Variants in KDM1B observed in about 807,000 individuals in gnomAD.
KDM1B encodes the protein lysine demethylase 1B.
In KDM1B, 63 loss-of-function variants were observed where a neutral mutation model predicts 107.4. That is an observed-to-expected ratio of 0.59 (90% CI 0.48 to 0.72). KDM1B has a LOEUF of 0.72. Among genes scored for constraint, KDM1B ranks in the 30% least tolerant of loss-of-function variants. KDM1B has a pLI of 0.00. For synonymous variants in KDM1B, 363 were observed against 363.9 expected (o/e 1.00, Z 0.03); for missense variants, 749 against 1,020.8 (o/e 0.73, Z 3.63).
intron 3 of KDM1B, among the ~76,000 whole-genome samples, chr6:18,160,894 C>T (rs1322496675): frequency 2.8e-5 from 4 of 141,078 alleles, no homozygotes; most frequent in Non-Finnish European, 4.5e-5. Flanking sequence ...GTGACACAAT[C>T]GTGTGTGCCA....
chr6:18,211,949 G>GTT lies in KDM1B; in HGVS notation c.1867-524_1867-523dup, dbSNP rs1164736109. ...CTCAAGTACTGCTTTTCGGGGTTTT[G>GTT]TTTTTTTTTTTTTTTTGAGACAGTC... On this transcript the variant is annotated intron_variant, in intron 17 of 21. Coordinates refer to ENST00000650836, the MANE Select transcript of KDM1B (RefSeq NM_001364614.2). This position sits in a 1 kb window ranked among gnomAD's most constrained non-coding sequence, Gnocchi z 5.2. 216 of 135,344 alleles carry GTT rather than the reference G, an allele frequency of 1.6e-3. No individual in the cohort carries two copies. Among genetic ancestry groups the GTT allele is most frequent in the African/African-American group, 3.7e-3 (134 of 36,362 alleles). 8.4% of individuals were successfully genotyped at this position (135,344 alleles called of 1,614,324 possible).
intron 7 of KDM1B, among the ~76,000 whole-genome samples, chr6:18,178,886 T>G (rs1786234318): frequency 6.6e-6 from 1 of 152,218 alleles, no homozygotes; most frequent in South Asian, 2.1e-4. Flanking sequence ...TCTACAAACC[T>G]CTTCTCAGTC....
chr6:18,170,347 T>C (rs1177017731), intron 6 of KDM1B, among the ~76,000 whole-genome samples: 1 of 152,226 alleles, frequency 6.6e-6, no homozygotes, highest in East Asian at 1.9e-4. Flanking sequence ...TACTAATAAC[T>C]GTAGACTTTA....
At chr6:18,207,253 AGTG>A (rs1373299206) in intron 15 of KDM1B, 142 bp from the exon 16 acceptor site, 3 of 678,412 alleles carry the variant, frequency 4.4e-6, no homozygotes, top group Non-Finnish European at 5.1e-6. Flanking sequence ...TTCCTCCCCC[AGTG>A]GTGGTCTCTG....
chr6:18,182,070 G>A (rs948588929), intron 7 of KDM1B, among the ~76,000 whole-genome samples: 1 of 151,982 alleles, frequency 6.6e-6, no homozygotes, highest in Non-Finnish European at 1.5e-5. Flanking sequence ...AACCTGGCTG[G>A]CTGTATTTTA....
At chr6:18,167,903 T>C (rs1251540974) in intron 6 of KDM1B, among the ~76,000 whole-genome samples, 1 of 151,944 alleles carries the variant, frequency 6.6e-6, no homozygotes, top group Non-Finnish European at 1.5e-5. Flanking sequence ...GCTGGAACTA[T>C]AGAGTGCACC....
chr6:18,188,069 G>A, intron 9 of KDM1B, 67 bp downstream of exon 9: 1 of 1,366,704 alleles, frequency 7.3e-7, no homozygotes. Flanking sequence ...ACGTGTGAGT[G>A]AGCAAAACGC....
At position 18,214,913 on chromosome 6, in the gene KDM1B, T is replaced by TAAAAC. The variant is rs1383013963; in HGVS notation, c.2110-79_2110-75dup. 9 of 1,342,006 alleles carry TAAAAC rather than the reference T, an allele frequency of 6.7e-6. No individual in the cohort carries two copies. The highest frequency in any genetic ancestry group is 8.1e-6 in the Non-Finnish European group (8 of 991,174). The allele number at this position is 1,342,006 out of a possible 1,614,324, so 83.1% of individuals were successfully genotyped here. On this transcript the variant is annotated intron_variant, in intron 19 of 21. Coordinates refer to ENST00000650836, the MANE Select transcript of KDM1B (RefSeq NM_001364614.2). This position sits in a 1 kb window ranked among gnomAD's most constrained non-coding sequence, Gnocchi z 4.4. ...TGACAGAGCAAAACTCTGTCTCATT[T>TAAAAC]AAAACAAAACAAAACAAAAAACAAA...
In KDM1B at chr6:18,162,767, G is replaced by GT; in HGVS notation, c.216-62dup. 1 of 925,164 alleles carries GT rather than the reference G, an allele frequency of 1.1e-6. No homozygotes were observed. Among genetic ancestry groups the GT allele is most frequent in the Non-Finnish European group, 1.8e-6 (1 of 560,836 alleles). The allele number at this position is 925,164 out of a possible 1,614,324, so 57.3% of individuals were successfully genotyped here. A position where few individuals can be genotyped will look rare whatever the true frequency, so the allele number is the denominator to read the frequency against. ...GGTTCATAGATGGTGCTTGCAAGAT[G>GT]TTTTTTAAAAAATGGGAGGAGAAAT... is the stretch of plus-strand genomic sequence containing the variant. On this transcript the variant is annotated intron_variant, in intron 4 of 21. Coordinates refer to ENST00000650836, the MANE Select transcript of KDM1B (RefSeq NM_001364614.2). The surrounding 1 kb of genome is among the most constrained non-coding windows in gnomAD (Gnocchi z 4.1).
chr6:18,177,545 CTATTTATT>C (rs537484760), intron 7 of KDM1B, among the ~76,000 whole-genome samples: 1 of 151,050 alleles, frequency 6.6e-6, no homozygotes, highest in African/African-American at 2.4e-5. Context: ...GAGGCCACAC[CTATTTATT>C]TATTTATTTA....
rs1015994378 is a variant in KDM1B at position 18,186,090 on chromosome 6, G to C, written c.573+280G>C. Among the ~76,000 whole-genome samples the C allele has an allele frequency of 3.9e-5, 6 of 152,182 alleles. No individual in the cohort carries two copies. Among genetic ancestry groups the C allele is most frequent in the African/African-American group, 1.4e-4 (6 of 41,440 alleles). ...TCTCCTGCCTTGCTCTAGGGCTCAG[G>C]CTTGCTGTACTTGTTTTTCAAGGAT... On this transcript the variant is annotated intron_variant, in intron 8 of 21. Transcript: ENST00000650836. The surrounding 1 kb of genome is among the most constrained non-coding windows in gnomAD (Gnocchi z 5.6).
At chr6:18,178,613 G>A (rs1459849251) in intron 7 of KDM1B, among the ~76,000 whole-genome samples, 1 of 151,638 alleles carries the variant, frequency 6.6e-6, no homozygotes, top group Non-Finnish European at 1.5e-5. Context: ...GGCTGGTCTC[G>A]AACTCCTGAC....
chr6:18,164,827 G>A (rs537338594), intron 5 of KDM1B, among the ~76,000 whole-genome samples: 8 of 152,090 alleles, frequency 5.3e-5, no homozygotes, highest in African/African-American at 1.9e-4. Context: ...TGTATTTTTA[G>A]TAGAGGCTGG....
Position 18,200,332 on chromosome 6 carries a change from AAC to A in KDM1B, c.1222-106_1222-105del. ...TGTTTTTTTAGAAATATTTGGAATT[AAC>A]CAAATATAGAGGCTATTTAACAGTG... On this transcript the variant is annotated intron_variant, in intron 12 of 21. Transcript: ENST00000650836. The surrounding 1 kb of genome is among the most constrained non-coding windows in gnomAD (Gnocchi z 4.3). The A allele has an allele frequency of 9.0e-7, 1 of 1,116,758 alleles. No homozygotes were observed. The highest frequency in any genetic ancestry group is 1.3e-6 in the Non-Finnish European group (1 of 792,952). 69.2% of individuals were successfully genotyped at this position (1,116,758 alleles called of 1,614,324 possible).
At position 18,175,880 on chromosome 6, in the gene KDM1B, A is replaced by G. The variant is rs1173852380; in HGVS notation, c.534+4401A>G. Among the ~76,000 whole-genome samples the G allele has an allele frequency of 2.0e-5, 3 of 152,154 alleles. No individual in the cohort carries two copies. The East Asian group carries it at 5.8e-4, about 29-fold the overall frequency. ...GTTTTGGTGACTATGGCCTTATAGT[A>G]TAGTTTGAAATCAGGTAGTGTGATG... On this transcript the variant is annotated intron_variant, in intron 7 of 21. Coordinates refer to ENST00000650836, the MANE Select transcript of KDM1B (RefSeq NM_001364614.2).
Position 18,166,388 on chromosome 6 carries a change from G to C in KDM1B, c.417+10G>C. Reference sequence around the variant, plus strand: ...GCAACTCCCCTACTGGGTAAGGAGAGTGATGCTCTCTGTCTGTGAAGTATT... The same window carrying C: ...GCAACTCCCCTACTGGGTAAGGAGACTGATGCTCTCTGTCTGTGAAGTATT... On this transcript the variant is annotated intron_variant, in intron 6 of 21. Transcript: ENST00000650836. 1.3e-6 allele frequency: 2 copies of C among 1,490,342 alleles called. No individual in the cohort carries two copies. The allele number at this position is 1,490,342 out of a possible 1,614,324, so 92.3% of individuals were successfully genotyped here. A position where few individuals can be genotyped will look rare whatever the true frequency, so the allele number is the denominator to read the frequency against.
Position 18,201,313 on chromosome 6 carries a change from T to G in KDM1B, c.1360-173T>G, listed in dbSNP as rs1788015555. 6.6e-6 allele frequency among the ~76,000 whole-genome samples: 1 copy of G among 151,964 alleles called. No homozygotes were observed. The highest frequency in any genetic ancestry group is 2.4e-5 in the African/African-American group (1 of 41,346). On this transcript the variant is annotated intron_variant, in intron 13 of 21. Transcript: ENST00000650836. The surrounding 1 kb of genome is among the most constrained non-coding windows in gnomAD (Gnocchi z 4.3). Reference sequence around the variant, plus strand: ...ATAAAATCTTGTAGATTTCATGCTGTTTTTTTTCACTGCCTGACTTTGCTG... The same window carrying G: ...ATAAAATCTTGTAGATTTCATGCTGGTTTTTTTCACTGCCTGACTTTGCTG...
At position 18,214,685 on chromosome 6, in the gene KDM1B, G is replaced by T. The variant is rs528483001; in HGVS notation, c.2110-322G>T. On this transcript the variant is annotated intron_variant, in intron 19 of 21. Coordinates refer to ENST00000650836, the MANE Select transcript of KDM1B (RefSeq NM_001364614.2). The surrounding 1 kb of genome is among the most constrained non-coding windows in gnomAD (Gnocchi z 4.4). ...AGCACTTTGGGAGGCCGAGGTGGGT[G>T]GATCACCTGAGGTCAGGAGTTTGAG... Among the ~76,000 whole-genome samples, 2 of 152,262 alleles carry T rather than the reference G, an allele frequency of 1.3e-5. No homozygotes were observed. Among genetic ancestry groups the T allele is most frequent in the South Asian group, 4.1e-4 (2 of 4,826 alleles).
At chr6:18,220,877 TTC>T (rs372701035) in intron 21 of KDM1B, among the ~76,000 whole-genome samples, 176 of 151,636 alleles carry the variant, frequency 1.2e-3, no homozygotes, top group African/African-American at 4.1e-3. Context: ...GTTCAAGCAA[TTC>T]TGTTTCAGCT....
Sources: allele counts gnomAD v4.1 joint callset (sites outside exome capture counted in the v4.1 genomes callset), GRCh38; gene constraint gnomAD v4.1.1; non-coding constraint Gnocchi (gnomAD v3.1); transcripts MANE v1.5; gene names NCBI Gene and HGNC (gene_info 2026-07-23, HGNC 2026-07-21).